ARHGEF38: variants seen among roughly 807,000 people sequenced by gnomAD.
ARHGEF38 encodes Rho guanine nucleotide exchange factor 38, also known as Rho guanine nucleotide exchange factor (GEF) 38.
Under a neutral mutation model 79.9 loss-of-function variants are expected in ARHGEF38, and 79 were observed. That is an observed-to-expected ratio of 0.99 (90% confidence interval 0.82 to 1.19). The LOEUF (loss-of-function observed/expected upper bound fraction) is 1.19. Ranked by LOEUF, ARHGEF38 falls within the 50% of genes most tolerant of loss-of-function variation. The pLI is 0.00. For synonymous variants in ARHGEF38, 366 were observed against 328.3 expected (o/e 1.11, Z -1.24); for missense variants, 962 against 907.2 (o/e 1.06, Z -0.78).
intron 13 of ARHGEF38, among the ~76,000 whole-genome samples, chr4:105,675,936 G>T (rs1363218009): frequency 1.3e-5 from 2 of 152,306 alleles, no homozygotes; most frequent in African/African-American, 4.8e-5. Context: ...TTACCTTGTG[G>T]ATTAGGCTTT....
chr4:105,668,742 A>G (rs1730858692), intron 13 of ARHGEF38, among the ~76,000 whole-genome samples: 1 of 152,140 alleles, frequency 6.6e-6, no homozygotes, highest in East Asian at 1.9e-4. Flanking sequence ...AAAATAGTAG[A>G]AAAGCATACG....
intron 1 of ARHGEF38, among the ~76,000 whole-genome samples, chr4:105,557,011 C>A (rs140638346): frequency 6.6e-6 from 1 of 152,110 alleles, no homozygotes; most frequent in African/African-American, 2.4e-5. Context: ...GTGACAAGAG[C>A]CATCTTAACT....
At chr4:105,619,389 G>A (rs993858155) in intron 3 of ARHGEF38, among the ~76,000 whole-genome samples, 2 of 151,996 alleles carry the variant, frequency 1.3e-5, no homozygotes, top group Admixed American at 1.3e-4. Context: ...CAACTGACGG[G>A]AAACATAGAA....
chr4:105,648,828 CTCTCTCTCTCTCTCTCTCTT>C (rs1263981249), intron 7 of ARHGEF38, 146 bp downstream of exon 7: 41 of 633,540 alleles, frequency 6.5e-5, no homozygotes, highest in African/African-American at 4.8e-4. Flanking sequence ...CCCTCTCTCT[CTCTCTCTCTCTCTCTCTCTT>C]TCTCTCTCTC....
At position 105,596,491 on chromosome 4, in the gene ARHGEF38, G is replaced by A. The variant is rs149555660; in HGVS notation, c.384+7056G>A. On this transcript the variant is annotated intron_variant, in intron 2 of 13. Coordinates refer to ENST00000420470, the MANE Select transcript of ARHGEF38 (RefSeq NM_001242729.2). ...ATAGATCCAAGTATCCCTGAAAGGA[G>A]ACAGGGAGGAGGGGAATATAGATGT... Among the ~76,000 whole-genome samples, 256 of 152,264 alleles carry A rather than the reference G, an allele frequency of 1.7e-3. 3 individuals carry two copies. The highest frequency in any genetic ancestry group is 6.0e-3 in the African/African-American group (249 of 41,534).
chr4:105,629,613 T>C (rs911401018), intron 3 of ARHGEF38, among the ~76,000 whole-genome samples: 3 of 151,662 alleles, frequency 2.0e-5, no homozygotes, highest in African/African-American at 7.3e-5. Flanking sequence ...TTTTGAGAGC[T>C]GACCCTGTCA....
intron 1 of ARHGEF38, among the ~76,000 whole-genome samples, chr4:105,581,873 C>T (rs1578275908): frequency 2.6e-5 from 4 of 152,118 alleles, no homozygotes; most frequent in East Asian, 3.9e-4. Context: ...CTTAAAATCT[C>T]GTATTCCTAT....
At chr4:105,629,260 G>A (rs1481843065) in intron 3 of ARHGEF38, among the ~76,000 whole-genome samples, 1 of 152,082 alleles carries the variant, frequency 6.6e-6, no homozygotes, top group Non-Finnish European at 1.5e-5. Context: ...GGCTGGGGAG[G>A]GGTATGTGCT....
intron 10 of ARHGEF38, 147 bp downstream of exon 10, chr4:105,659,512 C>T (rs372823593): frequency 1.2e-6 from 1 of 841,754 alleles, no homozygotes; most frequent in African/African-American, 1.7e-5. Flanking sequence ...GTCAGATAGT[C>T]TCCTGTTCCT....
chr4:105,680,295 C>T lies in ARHGEF38; in HGVS notation c.*2358C>T. On this transcript the variant is annotated 3_prime_UTR_variant, in exon 14 of 14. Coordinates refer to ENST00000420470, the MANE Select transcript of ARHGEF38 (RefSeq NM_001242729.2). ...AAAAATGATAGTCACCACATATCTA[C>T]TAATGGGATTAAAATGTACAATCCT... 1 of 333,956 alleles carries T rather than the reference C, an allele frequency of 3.0e-6. No individual in the cohort carries two copies. 20.7% of individuals were successfully genotyped at this position (333,956 alleles called of 1,614,324 possible). A position where few individuals can be genotyped will look rare whatever the true frequency, so the allele number is the denominator to read the frequency against.
chr4:105,648,848 T>TCTC (rs1729970218), intron 7 of ARHGEF38, among the ~76,000 whole-genome samples, 166 bp downstream of exon 7: 7 of 108,618 alleles, frequency 6.4e-5, no homozygotes, highest in African/African-American at 3.9e-4. Flanking sequence ...CTCTCTCTCT[T>TCTC]TCTCTCTCTC....
At chr4:105,647,080 A>G (rs1007759138) in intron 6 of ARHGEF38, among the ~76,000 whole-genome samples, 5 of 152,194 alleles carry the variant, frequency 3.3e-5, no homozygotes, top group African/African-American at 7.2e-5. Context: ...CTGGAAACAA[A>G]GCAAAATGTT....
intron 9 of ARHGEF38, among the ~76,000 whole-genome samples, chr4:105,657,015 T>C (rs1204636820): frequency 6.6e-6 from 1 of 151,624 alleles, no homozygotes; most frequent in African/African-American, 2.4e-5. Context: ...ATGGTGATGA[T>C]GAGATAGATA....
chr4:105,571,167 A>G (rs1487168657), intron 1 of ARHGEF38, among the ~76,000 whole-genome samples: 1 of 152,184 alleles, frequency 6.6e-6, no homozygotes, highest in Non-Finnish European at 1.5e-5. Flanking sequence ...AGTTACCATT[A>G]TACATTTTAT....
chr4:105,615,073 TG>T (rs1728458389), intron 3 of ARHGEF38, among the ~76,000 whole-genome samples: 1 of 152,150 alleles, frequency 6.6e-6, no homozygotes, highest in Non-Finnish European at 1.5e-5. Context: ...CAAATGGAAA[TG>T]ACAGCATGAA....
intron 2 of ARHGEF38, among the ~76,000 whole-genome samples, chr4:105,610,448 GA>G (rs1728244766): frequency 6.6e-6 from 1 of 151,938 alleles, no homozygotes; most frequent in Non-Finnish European, 1.5e-5. Flanking sequence ...TTAAAAAAAT[GA>G]ATTTTAATCC....
In ARHGEF38 at chr4:105,644,760, C is replaced by T. The variant is rs368759062; in HGVS notation, c.675-428C>T. 2.4e-3 allele frequency among the ~76,000 whole-genome samples: 372 copies of T among 152,294 alleles called. 1 individual carries two copies. Among genetic ancestry groups the T allele is most frequent in the Non-Finnish European group, 3.8e-3 (259 of 68,018 alleles). On this transcript the variant is annotated intron_variant, in intron 5 of 13. Coordinates refer to ENST00000420470, the MANE Select transcript of ARHGEF38 (RefSeq NM_001242729.2). ...AGGCCAAGACTTCCTTTTAACTATA[C>T]CTTTGCAAGCCTCTGTTAAGATTTT...
At chr4:105,635,803 T>A (rs1578333385) in intron 4 of ARHGEF38, among the ~76,000 whole-genome samples, 1 of 152,046 alleles carries the variant, frequency 6.6e-6, no homozygotes, top group East Asian at 1.9e-4. Context: ...CTGCTGATTT[T>A]AAAAAAATTA....
At chr4:105,572,695 G>A (rs1726296914) in intron 1 of ARHGEF38, among the ~76,000 whole-genome samples, 1 of 152,068 alleles carries the variant, frequency 6.6e-6, no homozygotes, top group South Asian at 2.1e-4. Context: ...GGTTCATCCA[G>A]GTTATAACAT....
Sources: gnomAD v4.1 joint callset for allele counts (sites outside exome capture counted in the v4.1 genomes callset) on GRCh38, gnomAD v4.1.1 for gene constraint, MANE v1.5 for transcripts, NCBI Gene and HGNC (gene_info 2026-07-23, HGNC 2026-07-21) for gene names.